The following NRXN2 variants were observed in gnomAD, a reference collection of about 807,000 sequenced individuals.
The protein encoded by NRXN2 is neurexin-2-beta.
NRXN2 carries 29 observed loss-of-function variants against 128.8 expected under a neutral mutation model. The observed-to-expected ratio is 0.23, with a 90% confidence interval of 0.17 to 0.31. The LOEUF (loss-of-function observed/expected upper bound fraction) is 0.31, where lower values mean the gene tolerates loss of function less well. NRXN2 is among the 10% of genes least tolerant of loss of function. The pLI is 1.00. For missense variants in NRXN2, 1,881 were observed against 2,452.6 expected (o/e 0.77, Z 4.92); for synonymous variants, 1,098 against 1,075.2 (o/e 1.02, Z -0.41).
chr11:64,637,979 G>C (rs563843153), intron 17 of NRXN2, among the ~76,000 whole-genome samples: 43 of 152,066 alleles, frequency 2.8e-4, no homozygotes, highest in African/African-American at 1.0e-3. Context: ...CCACACACAG[G>C]CGGCGACGCA....
In NRXN2 at chr11:64,608,072, T is replaced by G. The variant is rs1291615525; in HGVS notation, c.4263A>C (p.Leu1421Phe). 6.3e-7 allele frequency: 1 copy of G among 1,585,398 alleles called. No individual in the cohort carries two copies. The highest frequency in any genetic ancestry group is 2.2e-4 in the Middle Eastern group (1 of 4,618). Residue 1421 changes from leucine (L) to phenylalanine (F), a missense_variant, in exon 23 of 23, where the codon TTA becomes TTC. Leu to Phe is a conservative substitution (Grantham distance 22). Around this residue, in one of 7 missense-constraint regions of NRXN2, gnomAD observed 310 missense variants for 318.2 expected, o/e 0.97. Coordinates refer to ENST00000265459, the MANE Select transcript of NRXN2 (RefSeq NM_015080.4). ...EECEPSTGGE[L>F]ILPIITEDSL... The stretch of plus-strand genomic sequence containing the variant: ...AGTCCTCCGTGATAATGGGCAATAT[T>G]AACTCTCCTCCTAGAACAAGAGAGA...
At chr11:64,646,801 C>A (rs565208821) in intron 17 of NRXN2, among the ~76,000 whole-genome samples, 11 of 20,778 alleles carry the variant, frequency 5.3e-4, no homozygotes, top group Admixed American at 2.3e-3. Context: ...GGTCTCCATG[C>A]CTTGGCAGTC....
Position 64,651,438 on chromosome 11 carries a change from A to G in NRXN2, c.2735T>C (p.Leu912Pro). The G allele has an allele frequency of 1.2e-6, 2 of 1,614,196 alleles. No homozygotes were observed. Among genetic ancestry groups the G allele is most frequent in the Non-Finnish European group, 1.7e-6 (2 of 1,180,016 alleles). The change falls in exon 14 of 23, where the codon CTG becomes CCG. Residue 912 changes from leucine to proline, a missense_variant. Leu to Pro is a moderately conservative substitution (Grantham distance 98). Coordinates refer to ENST00000265459, the MANE Select transcript of NRXN2 (RefSeq NM_015080.4). The surrounding 1 kb of genome is among the most constrained non-coding windows in gnomAD (Gnocchi z 5.9). ...GACGGGATCGGCCACGATGGCACGC[A>G]GGCCAAAGCGAGCATTGAGCTCACA... ...TYCELNARFG[L>P]RAIVADPVTF...
chr11:64,685,220 C>T (rs1011455536), intron 6 of NRXN2, among the ~76,000 whole-genome samples: 1 of 152,170 alleles, frequency 6.6e-6, no homozygotes, highest in Non-Finnish European at 1.5e-5. Flanking sequence ...CTCCACCAGG[C>T]CAAAGCCTGC....
At chr11:64,639,472 T>C (rs2045325185) in intron 17 of NRXN2, among the ~76,000 whole-genome samples, 1 of 152,152 alleles carries the variant, frequency 6.6e-6, no homozygotes, top group South Asian at 2.1e-4. Context: ...ACTCCATTCC[T>C]GGCCCGACAG....
intron 18 of NRXN2, among the ~76,000 whole-genome samples, chr11:64,634,530 C>T (rs567403856): frequency 1.3e-5 from 2 of 152,048 alleles, no homozygotes; most frequent in South Asian, 2.1e-4. Context: ...CAGAGGGAGA[C>T]CCTGGGAAGG....
chr11:64,691,953 G>C (rs965422798), intron 4 of NRXN2, among the ~76,000 whole-genome samples: 2 of 152,228 alleles, frequency 1.3e-5, no homozygotes, highest in African/African-American at 4.8e-5. Context: ...CAGTGCCAAA[G>C]GGTCTGAAAG....
chr11:64,704,624 A>AGG (rs1565458382), intron 2 of NRXN2, among the ~76,000 whole-genome samples: 5 of 16,678 alleles, frequency 3.0e-4, no homozygotes, highest in African/African-American at 1.2e-3. Context: ...ACACACACAC[A>AGG]GAGAGAGAGA....
At chr11:64,654,751 C>T (rs1056749510) in intron 11 of NRXN2, among the ~76,000 whole-genome samples, 7 of 152,200 alleles carry the variant, frequency 4.6e-5, no homozygotes, top group East Asian at 3.9e-4. Flanking sequence ...CTCCATCAAA[C>T]GCCAAGCCTG....
At position 64,660,236 on chromosome 11, in the gene NRXN2, T is replaced by C; in HGVS notation, c.2389+96A>G. ...CTCCAAACTCTGCTGAGGGCACCTC[T>C]TGCTGGTGCCACCACCAGCTTCTCC... is the stretch of plus-strand genomic sequence containing the variant. On this transcript the variant is annotated intron_variant, in intron 11 of 22. Coordinates refer to ENST00000265459, the MANE Select transcript of NRXN2 (RefSeq NM_015080.4). This position sits in a 1 kb window ranked among gnomAD's most constrained non-coding sequence, Gnocchi z 5.2. 1 of 1,396,918 alleles carries C rather than the reference T, an allele frequency of 7.2e-7. No homozygotes were observed. Among genetic ancestry groups the C allele is most frequent in the African/African-American group, 1.4e-5 (1 of 70,752 alleles). 86.5% of individuals were successfully genotyped at this position (1,396,918 alleles called of 1,614,324 possible). A position where few individuals can be genotyped will look rare whatever the true frequency, so the allele number is the denominator to read the frequency against.
At chr11:64,706,720 T>C (rs1345141923) in intron 2 of NRXN2, among the ~76,000 whole-genome samples, 2 of 152,182 alleles carry the variant, frequency 1.3e-5, no homozygotes, top group African/African-American at 4.8e-5. Context: ...CCTTTGCTCA[T>C]ATCAGCTCCT....
At chr11:64,626,671 G>A in intron 19 of NRXN2, 119 bp from the exon 20 acceptor site, 1 of 801,624 alleles carries the variant, frequency 1.2e-6, no homozygotes. Flanking sequence ...CGGAAAGAGG[G>A]GAAGGGAGGA....
intron 7 of NRXN2, among the ~76,000 whole-genome samples, chr11:64,673,363 G>A (rs2135528001): frequency 6.6e-6 from 1 of 152,260 alleles, no homozygotes; most frequent in African/African-American, 2.4e-5. Context: ...CCAAGAAGAA[G>A]TGCTCAAACA....
At chr11:64,688,500 G>A in intron 5 of NRXN2, 2 of 985,426 alleles carry the variant, frequency 2.0e-6, no homozygotes, top group South Asian at 4.7e-5. Context: ...ACTGGGGTGA[G>A]CCTGTAGGGG....
chr11:64,614,726 C>T (rs1051665838), intron 22 of NRXN2, among the ~76,000 whole-genome samples: 1 of 152,222 alleles, frequency 6.6e-6, no homozygotes, highest in Non-Finnish European at 1.5e-5. Context: ...TCCCTCTGCC[C>T]CACACCACAG....
intron 6 of NRXN2, among the ~76,000 whole-genome samples, chr11:64,685,022 T>C (rs2052814250): frequency 6.6e-6 from 1 of 152,174 alleles, no homozygotes; most frequent in South Asian, 2.1e-4. Flanking sequence ...CCAGAGGAGA[T>C]GAAGGGCCAA....
chr11:64,653,861 G>A (rs959394915), intron 11 of NRXN2, 139 bp from the exon 12 acceptor site: 1 of 639,460 alleles, frequency 1.6e-6, no homozygotes, highest in Non-Finnish European at 2.8e-6. Flanking sequence ...GACCACGCGT[G>A]CCCAGGTGCC....
intron 6 of NRXN2, among the ~76,000 whole-genome samples, chr11:64,683,087 A>G (rs2052528517): frequency 6.6e-6 from 1 of 152,188 alleles, no homozygotes; most frequent in Non-Finnish European, 1.5e-5. Context: ...TCCTCCCCAG[A>G]AGGCCATCTC....
intron 17 of NRXN2, among the ~76,000 whole-genome samples, chr11:64,643,695 C>T (rs2046176272): frequency 6.6e-6 from 1 of 151,696 alleles, no homozygotes; most frequent in African/African-American, 2.4e-5. Context: ...CGCTGGGCAG[C>T]TCAGCCGCGC....
Sources: gnomAD v4.1 joint callset for allele counts (sites outside exome capture counted in the v4.1 genomes callset) on GRCh38, gnomAD v4.1.1 for gene constraint, gnomAD v4.1.1 regional missense constraint, Gnocchi (gnomAD v3.1) non-coding constraint, MANE v1.5 for transcripts, NCBI Gene and HGNC (gene_info 2026-07-23, HGNC 2026-07-21) for gene names.